Variants in SNCAIP observed in about 807,000 individuals in gnomAD.
SNCAIP encodes synphilin-1.
SNCAIP carries 43 observed loss-of-function variants against 86.7 expected under a neutral mutation model. That is an observed-to-expected ratio of 0.50 (90% CI 0.39 to 0.64). The LOEUF is 0.64. SNCAIP is among the 30% of genes least tolerant of loss of function. SNCAIP has a pLI of 0.00. For missense variants in SNCAIP, 981 were observed against 1,103.1 expected (o/e 0.89, Z 1.57); for synonymous variants, 417 against 427.2 (o/e 0.98, Z 0.29).
intron 1 of SNCAIP, among the ~76,000 whole-genome samples, chr5:122,323,944 A>G (rs115837707): frequency 0.012 from 1,798 of 152,306 alleles, 22 homozygotes; most frequent in Middle Eastern, 0.017. Flanking sequence ...AAATGCAAAG[A>G]TGATTCTTAC....
intron 10 of SNCAIP, among the ~76,000 whole-genome samples, chr5:122,461,798 C>T (rs1356439819): frequency 6.6e-6 from 1 of 151,702 alleles, no homozygotes; most frequent in Admixed American, 6.6e-5. Flanking sequence ...TATGCCTCAG[C>T]CTCCATAACT....
intron 1 of SNCAIP, among the ~76,000 whole-genome samples, chr5:122,377,319 T>C (rs1351350018): frequency 6.6e-6 from 1 of 152,196 alleles, no homozygotes; most frequent in East Asian, 1.9e-4. Context: ...ATATGTTTTT[T>C]CTTTGTGTAT....
chr5:122,409,359 G>A (rs540993383), intron 3 of SNCAIP, among the ~76,000 whole-genome samples: 2 of 152,300 alleles, frequency 1.3e-5, no homozygotes, highest in South Asian at 4.1e-4. Flanking sequence ...TGCTTTAAAT[G>A]TGATTCTTTC....
intron 2 of SNCAIP, among the ~76,000 whole-genome samples, chr5:122,402,380 A>G (rs1772008952): frequency 6.6e-6 from 1 of 152,186 alleles, no homozygotes. Context: ...TTTAAGAGGT[A>G]GTCATCCCTC....
At chr5:122,379,520 A>G (rs1380321994) in intron 1 of SNCAIP, among the ~76,000 whole-genome samples, 33 of 138,346 alleles carry the variant, frequency 2.4e-4, no homozygotes, top group African/African-American at 8.7e-4. Flanking sequence ...TCCTAATTGA[A>G]TACCCTTTAT....
intron 1 of SNCAIP, among the ~76,000 whole-genome samples, chr5:122,340,038 T>C (rs1224458763): frequency 6.6e-6 from 1 of 152,206 alleles, no homozygotes; most frequent in Non-Finnish European, 1.5e-5. Context: ...TATTACCTTT[T>C]TCTTTTTAAG....
intron 1 of SNCAIP, among the ~76,000 whole-genome samples, chr5:122,326,250 T>C (rs1753995261): frequency 6.6e-6 from 1 of 152,308 alleles, no homozygotes. Flanking sequence ...ACCAGCATTC[T>C]AATGCTTGTG....
chr5:122,361,658 G>A (rs530016147), intron 1 of SNCAIP, among the ~76,000 whole-genome samples: 1 of 152,226 alleles, frequency 6.6e-6, no homozygotes, highest in Admixed American at 6.5e-5. Context: ...GCCTTGCTGT[G>A]TGGAGTTACT....
intron 1 of SNCAIP, among the ~76,000 whole-genome samples, chr5:122,340,391 T>C (rs540428340): frequency 1.3e-5 from 2 of 152,330 alleles, no homozygotes; most frequent in Admixed American, 1.3e-4. Context: ...CCTTCATTTA[T>C]GCTAAGTTGC....
intron 6 of SNCAIP, among the ~76,000 whole-genome samples, chr5:122,434,424 CT>C (rs1778987544): frequency 2.0e-5 from 3 of 152,226 alleles, no homozygotes; most frequent in Admixed American, 1.3e-4. Flanking sequence ...AATTTTGAAG[CT>C]ATTGGGACTG....
chr5:122,328,728 G>A (rs770335502), intron 1 of SNCAIP, among the ~76,000 whole-genome samples: 3 of 152,046 alleles, frequency 2.0e-5, no homozygotes, highest in Non-Finnish European at 4.4e-5. Flanking sequence ...TAAATTTTTC[G>A]TAAGTCCTTG....
intron 3 of SNCAIP, among the ~76,000 whole-genome samples, chr5:122,404,610 A>G (rs939478049): frequency 1.3e-5 from 2 of 152,152 alleles, no homozygotes; most frequent in African/African-American, 2.4e-5. Context: ...TTTCCAAGTA[A>G]TTACTCTATG....
intron 8 of SNCAIP, among the ~76,000 whole-genome samples, chr5:122,449,200 G>T (rs1199521869): frequency 2.6e-5 from 4 of 152,070 alleles, no homozygotes; most frequent in African/African-American, 7.2e-5. Flanking sequence ...CTACAGTTGG[G>T]CAAAATCATC....
At chr5:122,351,536 C>CAAAGAAAAAAAAAAAAAAA (rs1759796173) in intron 1 of SNCAIP, among the ~76,000 whole-genome samples, 1 of 36,492 alleles carries the variant, frequency 2.7e-5, no homozygotes, top group African/African-American at 8.4e-5. Context: ...GACTCTGTAT[C>CAAAGAAAAAAAAAAAAAAA]AAAAAAAAAA....
chr5:122,462,559 A>AT (rs760975746), intron 10 of SNCAIP, among the ~76,000 whole-genome samples: 8 of 152,164 alleles, frequency 5.3e-5, no homozygotes, highest in Non-Finnish European at 8.8e-5. Context: ...TAGAGGAAAA[A>AT]TAAAAATAAG....
intron 1 of SNCAIP, among the ~76,000 whole-genome samples, chr5:122,327,516 G>A (rs183057368): frequency 1.6e-3 from 250 of 152,260 alleles, no homozygotes; most frequent in African/African-American, 5.5e-3. Context: ...TATCCCCCAT[G>A]TTGTTCTCAT....
At chr5:122,395,447 G>A (rs181032089) in intron 2 of SNCAIP, among the ~76,000 whole-genome samples, 1 of 152,238 alleles carries the variant, frequency 6.6e-6, no homozygotes, top group African/African-American at 2.4e-5. Flanking sequence ...GGTCAAATGA[G>A]ATCAAGATAA....
chr5:122,408,085 C>T (rs149415808), intron 3 of SNCAIP, among the ~76,000 whole-genome samples: 67 of 152,330 alleles, frequency 4.4e-4, no homozygotes, highest in African/African-American at 1.6e-3. Flanking sequence ...ACATTTCCTT[C>T]CTCAGTGCTG....
chr5:122,380,917 A>G (rs1766603335), intron 1 of SNCAIP, among the ~76,000 whole-genome samples: 1 of 150,500 alleles, frequency 6.6e-6, no homozygotes. Context: ...AGTTTGTTAT[A>G]ATCTCTGTTC....
Sources: allele counts gnomAD v4.1 joint callset (sites outside exome capture counted in the v4.1 genomes callset), GRCh38; gene constraint gnomAD v4.1.1; transcripts MANE v1.5; gene names NCBI Gene and HGNC (gene_info 2026-07-23, HGNC 2026-07-21).